The following CSMD1 variants were observed in gnomAD, a reference collection of about 807,000 sequenced individuals.
CSMD1 encodes CUB and Sushi multiple domains 1.
A neutral mutation model predicts 417.5 loss-of-function variants in CSMD1; 213 were observed. The observed-to-expected ratio is 0.51, with a 90% CI of 0.46 to 0.57. CSMD1 has a LOEUF of 0.57. Among genes scored for constraint, CSMD1 ranks in the 20% least tolerant of loss-of-function variants. CSMD1 has a pLI of 0.00. For synonymous variants in CSMD1, 2,862 were observed against 1,736.8 expected (o/e 1.65, Z -16.11); for missense variants, 6,923 against 4,529.7 (o/e 1.53, Z -15.17).
chr8:4,412,037 C>G (rs943652799), intron 3 of CSMD1, among the ~76,000 whole-genome samples: 2 of 150,930 alleles, frequency 1.3e-5, no homozygotes, highest in East Asian at 1.9e-4. Context: ...AAATGATTAG[C>G]TAAATATCTC....
chr8:3,645,983 A>G lies in CSMD1; in HGVS notation c.1010-29186T>C, dbSNP rs535282119. Among the ~76,000 whole-genome samples, 87 of 152,246 alleles carry G rather than the reference A, an allele frequency of 5.7e-4. 4 individuals are homozygous for G. In the South Asian group the frequency reaches 0.018, roughly 31 times the overall value. On this transcript the variant is annotated intron_variant, in intron 7 of 69. Transcript: ENST00000635120. ...AATTAAATTTAGAAAAAAACTAGCT[A>G]TAATTGTATTTATCGCAATTTCTGT...
chr8:3,844,079 G>A (rs1455276243), intron 5 of CSMD1, among the ~76,000 whole-genome samples: 2 of 152,046 alleles, frequency 1.3e-5, no homozygotes, highest in Non-Finnish European at 2.9e-5. Context: ...TCTCAACAAG[G>A]CCATCTAAAC....
In CSMD1 at chr8:3,083,630, ATATATATATATATATATATTTTTT is replaced by A. The variant is rs1445010942; in HGVS notation, c.7474+3443_7474+3466del. Among the ~76,000 whole-genome samples the A allele has an allele frequency of 2.9e-4, 8 of 27,938 alleles. 1 individual carries two copies. Among genetic ancestry groups the A allele is most frequent in the Admixed American group, 1.2e-3 (2 of 1,644 alleles). 18.3% of individuals were successfully genotyped at this position (27,938 alleles called of 152,430 possible). On this transcript the variant is annotated intron_variant, in intron 49 of 69. Coordinates refer to ENST00000635120, the MANE Select transcript of CSMD1 (RefSeq NM_033225.6). ...AATTTTTATATATATATATATATATATATATATATATATATATATTTTTTTTTTTTTTTTTTTTTTTTTTTTTTT... is the reference window on the plus strand; with the variant it reads ...AATTTTTATATATATATATATATATATTTTTTTTTTTTTTTTTTTTTTTTT...
chr8:3,287,933 G>T (rs1156249945), intron 25 of CSMD1, among the ~76,000 whole-genome samples: 2 of 146,246 alleles, frequency 1.4e-5, no homozygotes. Context: ...GATATTGGCT[G>T]TGGGTTTGTC....
intron 7 of CSMD1, among the ~76,000 whole-genome samples, chr8:3,643,359 G>T (rs949438154): frequency 5.3e-5 from 8 of 152,066 alleles, no homozygotes; most frequent in African/African-American, 1.9e-4. Context: ...AAGAAATGGG[G>T]TTTACAAGCT....
At chr8:4,522,296 G>C (rs1254745094) in intron 2 of CSMD1, among the ~76,000 whole-genome samples, 1 of 152,122 alleles carries the variant, frequency 6.6e-6, no homozygotes, top group Non-Finnish European at 1.5e-5. Flanking sequence ...TGCCATAATT[G>C]TGAGGCCTCC....
intron 3 of CSMD1, among the ~76,000 whole-genome samples, chr8:4,315,428 A>G (rs961689098): frequency 2.0e-5 from 3 of 152,190 alleles, no homozygotes; most frequent in Admixed American, 6.5e-5. Flanking sequence ...TTCAGCAAAT[A>G]TTTGTAAAAT....
chr8:3,918,410 C>T (rs1162971553), intron 5 of CSMD1, among the ~76,000 whole-genome samples: 3 of 151,978 alleles, frequency 2.0e-5, no homozygotes, highest in African/African-American at 4.8e-5. Flanking sequence ...GTGATATATT[C>T]TTGTGGTTTT....
At chr8:4,270,969 C>G (rs905766) in intron 3 of CSMD1, among the ~76,000 whole-genome samples, 7,461 of 152,222 alleles carry the variant, frequency 0.049, 234 homozygotes, top group Non-Finnish European at 0.076. Context: ...ACTGTCACCG[C>G]GTTCACTCTT....
intron 12 of CSMD1, among the ~76,000 whole-genome samples, chr8:3,461,392 C>CGG (rs1816491839): frequency 6.6e-6 from 1 of 152,164 alleles, no homozygotes; most frequent in Admixed American, 6.5e-5. Context: ...GTGGTCTTCA[C>CGG]CCTAAATCCA....
chr8:4,128,061 G>A (rs574622913), intron 3 of CSMD1, among the ~76,000 whole-genome samples: 2 of 152,180 alleles, frequency 1.3e-5, no homozygotes, highest in East Asian at 3.9e-4. Flanking sequence ...CTCAAGAGCA[G>A]TGGACAAGAC....
chr8:4,141,612 C>A (rs1358195463), intron 3 of CSMD1, among the ~76,000 whole-genome samples: 10 of 150,638 alleles, frequency 6.6e-5, no homozygotes, highest in Non-Finnish European at 1.5e-4. Context: ...TGTAACGATT[C>A]CTCCACTATA....
chr8:4,472,765 A>C (rs1027368204), intron 2 of CSMD1, among the ~76,000 whole-genome samples: 1 of 152,020 alleles, frequency 6.6e-6, no homozygotes, highest in Non-Finnish European at 1.5e-5. Flanking sequence ...TTTAATATAG[A>C]AAGTTATTTT....
intron 4 of CSMD1, among the ~76,000 whole-genome samples, chr8:4,014,520 A>G (rs148185916): frequency 2.6e-5 from 4 of 152,298 alleles, no homozygotes; most frequent in African/African-American, 9.6e-5. Context: ...TTACTCTTCA[A>G]GGACTACTAT....
In CSMD1 at chr8:3,947,778, T is replaced by C. The variant is rs370828153; in HGVS notation, c.818+50125A>G. Among the ~76,000 whole-genome samples the C allele has an allele frequency of 9.2e-5, 14 of 152,338 alleles. No homozygotes were observed. The East Asian group carries it at 1.5e-3, about 17-fold the overall frequency. ...ATGTTCCATGTGCGGTTGAAAGGAC[T>C]GTGTCTTCCGCTGTTCAAGGGGAAG... On this transcript the variant is annotated intron_variant, in intron 5 of 69. Transcript: ENST00000635120.
chr8:4,781,444 CATCTT>C (rs1797148128), intron 1 of CSMD1, among the ~76,000 whole-genome samples: 1 of 152,290 alleles, frequency 6.6e-6, no homozygotes, highest in East Asian at 1.9e-4. Context: ...AACTGACCGT[CATCTT>C]ATCTGATGTT....
At position 3,530,069 on chromosome 8, in the gene CSMD1, T is replaced by C. The variant is rs535753646; in HGVS notation, c.1345-36343A>G. ...ATGCTAAATGCTCAGTCTATGACCA[T>C]TTTCATAATCCATGACACTAAAGGT... On this transcript the variant is annotated intron_variant, in intron 10 of 69. Coordinates refer to ENST00000635120, the MANE Select transcript of CSMD1 (RefSeq NM_033225.6). Among the ~76,000 whole-genome samples the C allele has an allele frequency of 5.9e-5, 9 of 152,284 alleles. No homozygotes were observed. The East Asian group carries it at 1.7e-3, about 29-fold the overall frequency.
At chr8:3,063,628 A>T (rs74507834) in intron 49 of CSMD1, among the ~76,000 whole-genome samples, 248 of 152,326 alleles carry the variant, frequency 1.6e-3, no homozygotes, top group African/African-American at 5.7e-3. Context: ...GCCTCTACAC[A>T]CAGTGGGTTA....
chr8:4,043,688 G>A (rs1269765825), intron 3 of CSMD1, among the ~76,000 whole-genome samples: 1 of 152,112 alleles, frequency 6.6e-6, no homozygotes. Flanking sequence ...TTATTTCAGT[G>A]TTCTGAATTA....
Sources: allele counts gnomAD v4.1 joint callset (sites outside exome capture counted in the v4.1 genomes callset), GRCh38; gene constraint gnomAD v4.1.1; transcripts MANE v1.5; gene names NCBI Gene and HGNC (gene_info 2026-07-23, HGNC 2026-07-21).